The following FSIP1 variants were observed in gnomAD, a reference collection of about 807,000 sequenced individuals.
FSIP1 encodes the protein fibrous sheath-interacting protein 1.
In FSIP1, 65 loss-of-function variants were observed where a neutral mutation model predicts 60.9. The ratio of observed to expected loss-of-function variants is 1.07; its 90% confidence interval spans 0.87 to 1.31. The LOEUF is 1.31. FSIP1 is among the 40% of genes most tolerant of loss of function. The pLI, the probability that FSIP1 is intolerant of heterozygous loss-of-function variation, is 0.00. For synonymous variants in FSIP1, 209 were observed against 221.2 expected, an observed-to-expected ratio of 0.94 and a Z score of 0.49; for missense variants, 675 against 665.5, an observed-to-expected ratio of 1.01 and a Z score of -0.16.
At chr15:39,769,218 G>A (rs545037724) in intron 3 of FSIP1, among the ~76,000 whole-genome samples, 96 of 151,084 alleles carry the variant, frequency 6.4e-4, no homozygotes, top group Non-Finnish European at 7.2e-4. Flanking sequence ...GGCAGAGCTT[G>A]CAGTGAGCCG....
intron 10 of FSIP1, among the ~76,000 whole-genome samples, chr15:39,621,442 C>T (rs2140386792): frequency 6.6e-6 from 1 of 152,336 alleles, no homozygotes; most frequent in East Asian, 1.9e-4. Flanking sequence ...AAAGAAAACA[C>T]AGAAGACTAG....
At chr15:39,668,958 C>T (rs1225914791) in intron 10 of FSIP1, among the ~76,000 whole-genome samples, 1 of 152,062 alleles carries the variant, frequency 6.6e-6, no homozygotes, top group Non-Finnish European at 1.5e-5. Context: ...TCTATTTTTT[C>T]GTTGGTCAGA....
At chr15:39,772,538 AC>A (rs1897923408) in intron 2 of FSIP1, among the ~76,000 whole-genome samples, 1 of 150,130 alleles carries the variant, frequency 6.7e-6, no homozygotes, top group Admixed American at 6.6e-5. Flanking sequence ...CAAGCAACCC[AC>A]CCTCCTTGGC....
intron 8 of FSIP1, among the ~76,000 whole-genome samples, chr15:39,731,196 G>A (rs1362394036): frequency 6.6e-6 from 1 of 152,136 alleles, no homozygotes; most frequent in Non-Finnish European, 1.5e-5. Context: ...GATCCTCAGT[G>A]AGGTTCAGTT....
intron 5 of FSIP1, among the ~76,000 whole-genome samples, chr15:39,760,834 G>T (rs1897471404): frequency 6.6e-6 from 1 of 152,116 alleles, no homozygotes; most frequent in Non-Finnish European, 1.5e-5. Context: ...GATCACTATG[G>T]TTATGTAAGA....
At chr15:39,648,701 T>C (rs889120411) in intron 10 of FSIP1, among the ~76,000 whole-genome samples, 5 of 152,160 alleles carry the variant, frequency 3.3e-5, no homozygotes, top group Admixed American at 6.5e-5. Flanking sequence ...GTGATGTAAT[T>C]GGTAGTTTGG....
At chr15:39,780,348 C>A (rs145353867) in intron 1 of FSIP1, among the ~76,000 whole-genome samples, 2,259 of 152,128 alleles carry the variant, frequency 0.015, 51 homozygotes, top group African/African-American at 0.052. Flanking sequence ...CACGGTGAAA[C>A]CCCGTCTCTA....
chr15:39,756,271 G>A (rs945004133), intron 5 of FSIP1, among the ~76,000 whole-genome samples: 3 of 152,116 alleles, frequency 2.0e-5, no homozygotes, highest in African/African-American at 7.2e-5. Context: ...GCTTATTTGT[G>A]ATGTTATAAG....
rs575524818 is a variant in FSIP1 at position 39,663,049 on chromosome 15, T to C, written c.1189-44804A>G. Among the ~76,000 whole-genome samples, 13 of 152,256 alleles carry C rather than the reference T, an allele frequency of 8.5e-5. No individual in the cohort carries two copies. In the East Asian group the frequency reaches 2.5e-3, roughly 29 times the overall value. On this transcript the variant is annotated intron_variant, in intron 10 of 11. Coordinates refer to ENST00000350221, the MANE Select transcript of FSIP1 (RefSeq NM_152597.5). ...AGCTTCCTTGTTTAAAATTTTCTTCTGAAAAAATTAATTCTGCCCAAAATA... is the reference window on the plus strand; with the variant it reads ...AGCTTCCTTGTTTAAAATTTTCTTCCGAAAAAATTAATTCTGCCCAAAATA...
intron 10 of FSIP1, among the ~76,000 whole-genome samples, chr15:39,627,769 T>C (rs1891703958): frequency 1.3e-5 from 2 of 152,252 alleles, no homozygotes; most frequent in Non-Finnish European, 2.9e-5. Flanking sequence ...TTTACTCTCT[T>C]TCTTTGCTTC....
Position 39,600,863 on chromosome 15 carries a change from A to G in FSIP1, c.*17T>C. On this transcript the variant is annotated 3_prime_UTR_variant, in exon 12 of 12. Coordinates refer to ENST00000350221, the MANE Select transcript of FSIP1 (RefSeq NM_152597.5). ...TCATTACCAACTTTCTGAAAAGCACACCCAGCAAGTCCTTGATTAGGGTTC... is the reference window on the plus strand; with the variant it reads ...TCATTACCAACTTTCTGAAAAGCACGCCCAGCAAGTCCTTGATTAGGGTTC... 1 of 1,592,880 alleles carries G rather than the reference A, an allele frequency of 6.3e-7. No homozygotes were observed. Among genetic ancestry groups the G allele is most frequent in the Non-Finnish European group, 8.5e-7 (1 of 1,171,902 alleles).
At position 39,763,858 on chromosome 15, in the gene FSIP1, T is replaced by C; in HGVS notation, c.522A>G (p.Lys174=). 6.3e-7 allele frequency: 1 copy of C among 1,594,960 alleles called. No individual in the cohort carries two copies. Among genetic ancestry groups the C allele is most frequent in the Non-Finnish European group, 8.6e-7 (1 of 1,163,570 alleles). ...CAGAAACAGCAGTCAAAGATAAAAA[T>C]TTTTTTGTATTTTCCATCTCCTCTT... ...QSKEEMENTK[K]FLSLTAVSEE... The change falls in exon 5 of 12, where the codon AAA becomes AAG. Residue 174 remains lysine (K), a synonymous_variant. Coordinates refer to ENST00000350221, the MANE Select transcript of FSIP1 (RefSeq NM_152597.5).
At chr15:39,757,253 A>G (rs2140685319) in intron 5 of FSIP1, among the ~76,000 whole-genome samples, 1 of 152,276 alleles carries the variant, frequency 6.6e-6, no homozygotes, top group African/African-American at 2.4e-5. Flanking sequence ...TTAAAACAGT[A>G]GCTGAGATCT....
In FSIP1 at chr15:39,659,626, T is replaced by TAAAA. The variant is rs150262830; in HGVS notation, c.1189-41382_1189-41381insTTTT. 8.6e-3 allele frequency among the ~76,000 whole-genome samples: 1,146 copies of TAAAA among 133,716 alleles called. 32 individuals are homozygous for TAAAA. The highest frequency in any genetic ancestry group is 0.013 in the Non-Finnish European group (798 of 63,214). 87.7% of individuals were successfully genotyped at this position (133,716 alleles called of 152,430 possible). ...ATTATATCTCAATAAAGCTGTTATT[T>TAAAA]TAAAAAAAAAAAAAAAAAGCAATGG... On this transcript the variant is annotated intron_variant, in intron 10 of 11. Coordinates refer to ENST00000350221, the MANE Select transcript of FSIP1 (RefSeq NM_152597.5).
rs371194828 is a variant in FSIP1 at position 39,636,394 on chromosome 15, TC to T, written c.1189-18150del. 9.0e-3 allele frequency among the ~76,000 whole-genome samples: 1,365 copies of T among 152,314 alleles called. 8 individuals carry two copies. The highest frequency in any genetic ancestry group is 0.015 in the Non-Finnish European group (1,041 of 68,018). ...CTTTTTAGCACCATAAGCTATCACC[TC>T]CTACCTTTGACTTTGTCATTGGTGT... On this transcript the variant is annotated intron_variant, in intron 10 of 11. Coordinates refer to ENST00000350221, the MANE Select transcript of FSIP1 (RefSeq NM_152597.5).
At chr15:39,616,872 AG>A (rs1265558701) in intron 11 of FSIP1, among the ~76,000 whole-genome samples, 1 of 152,182 alleles carries the variant, frequency 6.6e-6, no homozygotes, top group Non-Finnish European at 1.5e-5. Flanking sequence ...TTGAAGTTGT[AG>A]GAAGAGAAAG....
At chr15:39,715,158 G>A (rs1895691252) in intron 9 of FSIP1, among the ~76,000 whole-genome samples, 1 of 151,978 alleles carries the variant, frequency 6.6e-6, no homozygotes, top group Non-Finnish European at 1.5e-5. Context: ...TCATGCTTTA[G>A]GCCCTGCCAA....
chr15:39,682,268 A>C (rs915575780), intron 10 of FSIP1, among the ~76,000 whole-genome samples: 2 of 152,168 alleles, frequency 1.3e-5, no homozygotes, highest in East Asian at 3.8e-4. Context: ...TGACATTTTT[A>C]TATGCTTATA....
chr15:39,745,107 C>T lies in FSIP1; in HGVS notation c.560-3207G>A, dbSNP rs1430969975. ...TCACGCGCCACCCCGCCCCCCACCC[C>T]GCCATCCCCAGGCCATGATGCTACA... On this transcript the variant is annotated intron_variant, in intron 5 of 11. Coordinates refer to ENST00000350221, the MANE Select transcript of FSIP1 (RefSeq NM_152597.5). Among the ~76,000 whole-genome samples, 7 of 136,736 alleles carry T rather than the reference C, an allele frequency of 5.1e-5. No homozygotes were observed. The East Asian group carries it at 1.0e-3, about 20-fold the overall frequency. The allele number at this position is 136,736 out of a possible 152,430, so 89.7% of individuals were successfully genotyped here. A position where few individuals can be genotyped will look rare whatever the true frequency, so the allele number is the denominator to read the frequency against.
Sources: gnomAD v4.1 joint callset for allele counts (sites outside exome capture counted in the v4.1 genomes callset) on GRCh38, gnomAD v4.1.1 for gene constraint, MANE v1.5 for transcripts, NCBI Gene and HGNC (gene_info 2026-07-23, HGNC 2026-07-21) for gene names.